The following TLN2 variants were observed in gnomAD, a reference collection of about 807,000 sequenced individuals.
The protein encoded by TLN2 is talin-2.
TLN2 carries 118 observed loss-of-function variants against 294.7 expected under a neutral mutation model. The ratio of observed to expected loss-of-function variants is 0.40; its 90% CI spans 0.34 to 0.47. The LOEUF is 0.47. TLN2 is among the 20% of genes least tolerant of loss of function. The pLI is 0.84. For synonymous variants in TLN2, 1,431 were observed against 1,304.5 expected (o/e 1.10, Z -2.09); for missense variants, 3,083 against 3,282.2 (o/e 0.94, Z 1.48).
At position 62,697,701 on chromosome 15, in the gene TLN2, C is replaced by G. The variant is rs757817747; in HGVS notation, c.1306C>G (p.Gln436Glu). Reference sequence around the variant, plus strand: ...TTTTCCCGGCAGGTCCACCATCTTGCAGCAGCAGTTCAACCGGACCGGGAA... The same window carrying G: ...TTTTCCCGGCAGGTCCACCATCTTGGAGCAGCAGTTCAACCGGACCGGGAA... ...SVSPKKSTIL[Q>E]QQFNRTGKAE... Residue 436 changes from glutamine to glutamate, a missense_variant, in exon 15 of 59, where the codon CAG (glutamine) becomes GAG (glutamate). Gln to Glu is a conservative substitution (Grantham distance 29). Coordinates refer to ENST00000636159, the MANE Select transcript of TLN2 (RefSeq NM_015059.3). The G allele has an allele frequency of 1.3e-6, 2 of 1,599,274 alleles. No homozygotes were observed. The highest frequency in any genetic ancestry group is 1.3e-5 in the African/African-American group (1 of 74,712).
intron 1 of TLN2, among the ~76,000 whole-genome samples, chr15:62,572,952 A>C (rs2044025516): frequency 6.6e-6 from 1 of 151,856 alleles, no homozygotes; most frequent in African/African-American, 2.4e-5. Flanking sequence ...TCCCGGCTTC[A>C]CCATGGAGCT....
chr15:62,821,650 A>G (rs892715178), intron 54 of TLN2, among the ~76,000 whole-genome samples: 6 of 152,150 alleles, frequency 3.9e-5, no homozygotes, highest in Non-Finnish European at 8.8e-5. Context: ...GTCGCTCTGG[A>G]CTTGGTAAAG....
At chr15:62,803,453 C>A (rs902674192) in intron 50 of TLN2, among the ~76,000 whole-genome samples, 1 of 152,106 alleles carries the variant, frequency 6.6e-6, no homozygotes, top group African/African-American at 2.4e-5. Context: ...TTAAATTTGT[C>A]CTTTTGAAGC....
At chr15:62,480,338 C>T (rs561399430) in intron 1 of TLN2, among the ~76,000 whole-genome samples, 11 of 152,234 alleles carry the variant, frequency 7.2e-5, no homozygotes, top group East Asian at 5.8e-4. Flanking sequence ...CTCAACTTCC[C>T]GAGTAGCTGG....
chr15:62,523,751 A>G (rs1317300179), intron 1 of TLN2, among the ~76,000 whole-genome samples: 1 of 152,264 alleles, frequency 6.6e-6, no homozygotes, highest in African/African-American at 2.4e-5. Context: ...ACATTTATGA[A>G]AAGTGACAGT....
At chr15:62,818,111 C>A (rs2067262362) in intron 52 of TLN2, among the ~76,000 whole-genome samples, 1 of 152,096 alleles carries the variant, frequency 6.6e-6, no homozygotes, top group Non-Finnish European at 1.5e-5. Flanking sequence ...CGCCCAGCCT[C>A]CGTTTGATCT....
intron 1 of TLN2, among the ~76,000 whole-genome samples, chr15:62,572,187 G>A (rs1478794989): frequency 1.3e-5 from 2 of 152,048 alleles, no homozygotes; most frequent in African/African-American, 4.8e-5. Context: ...TTGCTTGACA[G>A]TTCCTCCCCC....
intron 54 of TLN2, 35 bp downstream of exon 54, chr15:62,820,645 A>G (rs776853888): frequency 6.2e-7 from 1 of 1,601,426 alleles, no homozygotes; most frequent in East Asian, 2.2e-5. Context: ...GTCCGATGTC[A>G]GTGGGTTCTT....
chr15:62,659,251 T>C (rs978102928), intron 9 of TLN2, among the ~76,000 whole-genome samples: 3 of 152,194 alleles, frequency 2.0e-5, no homozygotes, highest in Non-Finnish European at 4.4e-5. Context: ...AAGTGGCTTG[T>C]TCACACTTAC....
intron 14 of TLN2, among the ~76,000 whole-genome samples, chr15:62,695,251 G>C (rs900690717): frequency 1.3e-5 from 2 of 152,106 alleles, no homozygotes; most frequent in Non-Finnish European, 2.9e-5. Flanking sequence ...GTGACATTTT[G>C]TCTCATCTGG....
At chr15:62,631,702 TCTCCCTCC>T (rs550161532) in intron 3 of TLN2, among the ~76,000 whole-genome samples, 1 of 142,744 alleles carries the variant, frequency 7.0e-6, no homozygotes, top group Non-Finnish European at 1.5e-5. Flanking sequence ...TCTTTCTTTC[TCTCCCTCC>T]CTCCCTCCCT....
chr15:62,800,541 C>T (rs377057088), intron 49 of TLN2, 48 bp downstream of exon 49: 4 of 1,611,312 alleles, frequency 2.5e-6, no homozygotes, highest in South Asian at 2.2e-5. Flanking sequence ...TCTCTTCTCA[C>T]TTAAAGGAAG....
rs138001257 is a variant in TLN2 at position 62,821,897 on chromosome 15, C to G, written c.7002+1287C>G. On this transcript the variant is annotated intron_variant, in intron 54 of 58. Transcript: ENST00000636159. The stretch of plus-strand genomic sequence containing the variant: ...GTGTACTTTAAACTTAAGAGTCAAC[C>G]ATTAACTAAGATTTAGAGGTTTGGT... 2.8e-3 allele frequency among the ~76,000 whole-genome samples: 433 copies of G among 152,270 alleles called. 7 individuals carry two copies. Among genetic ancestry groups the G allele is most frequent in the East Asian group, 0.019 (98 of 5,188 alleles).
At chr15:62,801,626 G>A (rs756000315) in intron 50 of TLN2, among the ~76,000 whole-genome samples, 36 of 152,224 alleles carry the variant, frequency 2.4e-4, no homozygotes, top group Non-Finnish European at 3.8e-4. Context: ...GGGTTTTCTT[G>A]TCATATCATT....
chr15:62,725,194 G>C (rs562615967), intron 27 of TLN2, 90 bp downstream of exon 27: 1 of 1,490,096 alleles, frequency 6.7e-7, no homozygotes, highest in Non-Finnish European at 8.9e-7. Context: ...CTAAAGTTGC[G>C]GCATGTTGAG....
chr15:62,801,901 T>C (rs1020041638), intron 50 of TLN2, among the ~76,000 whole-genome samples: 20 of 152,248 alleles, frequency 1.3e-4, no homozygotes, highest in African/African-American at 4.8e-4. Flanking sequence ...CAATGCATAA[T>C]AATCACATCA....
At chr15:62,487,646 C>A (rs1205714) in intron 1 of TLN2, among the ~76,000 whole-genome samples, 150,894 of 152,112 alleles carry the variant, frequency 0.99, 74,852 homozygotes, top group Middle Eastern at 1. Context: ...CAGCCTGGGC[C>A]ACATAGGGAG....
intron 1 of TLN2, among the ~76,000 whole-genome samples, chr15:62,528,834 A>G (rs577493552): frequency 1.3e-5 from 2 of 152,138 alleles, no homozygotes; most frequent in African/African-American, 4.8e-5. Flanking sequence ...GTCTTCATCT[A>G]TGGCTGATGT....
At chr15:62,767,583 C>T (rs928457079) in intron 41 of TLN2, among the ~76,000 whole-genome samples, 8 of 152,224 alleles carry the variant, frequency 5.3e-5, no homozygotes, top group African/African-American at 1.7e-4. Flanking sequence ...AGGTGACCCA[C>T]CTGCCTCGGC....
Sources: allele counts gnomAD v4.1 joint callset (sites outside exome capture counted in the v4.1 genomes callset), GRCh38; gene constraint gnomAD v4.1.1; transcripts MANE v1.5; gene names NCBI Gene and HGNC (gene_info 2026-07-23, HGNC 2026-07-21).